The following ACVR1 variants were observed in gnomAD, a reference collection of about 807,000 sequenced individuals.
ACVR1 encodes activin A receptor type 1.
In ACVR1, 38 loss-of-function variants were observed where a neutral mutation model predicts 57.1. That is an observed-to-expected ratio of 0.67 (90% CI 0.51 to 0.87). The LOEUF (loss-of-function observed/expected upper bound fraction) is 0.87. ACVR1 is among the 40% of genes least tolerant of loss of function. ACVR1 has a pLI of 0.00. For synonymous variants in ACVR1, 212 were observed against 228.1 expected, an observed-to-expected ratio of 0.93 and a Z score of 0.63; for missense variants, 463 against 638.2, an observed-to-expected ratio of 0.73 and a Z score of 2.96.
chr2:157,875,181 A>G (rs1451305962), intron 1 of ACVR1: 2 of 152,202 alleles, frequency 1.3e-5, no homozygotes, highest in African/African-American at 2.4e-5. Flanking sequence ...AAACTTGGCA[A>G]AGTACCGTGC....
At chr2:157,856,545 A>G (rs1165197780) in intron 1 of ACVR1, among the ~76,000 whole-genome samples, 1 of 152,184 alleles carries the variant, frequency 6.6e-6, no homozygotes, top group African/African-American at 2.4e-5. Flanking sequence ...ATTCAAACTA[A>G]CAAGTATTTA....
chr2:157,850,283 G>A lies in ACVR1; in HGVS notation c.-183+25513C>T, dbSNP rs553023346. Among the ~76,000 whole-genome samples, 65 of 151,720 alleles carry A rather than the reference G, an allele frequency of 4.3e-4. 1 individual carries two copies. The highest frequency in any genetic ancestry group is 1.8e-4 in the Non-Finnish European group (12 of 67,884). On this transcript the variant is annotated intron_variant, in intron 1 of 10. Transcript: ENST00000434821. Reference sequence around the variant, plus strand: ...TGCACACCTGTAGTCCAAACTACTCGGGAGGCTGAGGCAGGAGAATCATTT... The same window carrying A: ...TGCACACCTGTAGTCCAAACTACTCAGGAGGCTGAGGCAGGAGAATCATTT...
intron 2 of ACVR1, among the ~76,000 whole-genome samples, chr2:157,803,219 T>G (rs559451939): frequency 6.6e-6 from 1 of 152,024 alleles, no homozygotes; most frequent in African/African-American, 2.4e-5. Flanking sequence ...CAGATTATCA[T>G]TGTGCGAACA....
intron 9 of ACVR1, among the ~76,000 whole-genome samples, chr2:157,743,089 A>G (rs1245960477): frequency 1.3e-5 from 2 of 152,078 alleles, no homozygotes; most frequent in African/African-American, 4.8e-5. Context: ...AGTTCCATCA[A>G]CAGGGCACCT....
intron 9 of ACVR1, among the ~76,000 whole-genome samples, chr2:157,748,200 A>G (rs1390689934): frequency 3.3e-5 from 5 of 152,152 alleles, no homozygotes; most frequent in Admixed American, 6.5e-5. Flanking sequence ...CAACACAGGG[A>G]ACGGGTTTGC....
chr2:157,756,323 T>C (rs990213680), intron 9 of ACVR1, among the ~76,000 whole-genome samples: 1 of 151,644 alleles, frequency 6.6e-6, no homozygotes, highest in Non-Finnish European at 1.5e-5. Context: ...GGGACTTAAT[T>C]AAAGAGCTTC....
rs186913374 is a variant in ACVR1, at chr2:157,760,549, A to G, written c.1264+331T>C. Among the ~76,000 whole-genome samples, 17 of 152,340 alleles carry G rather than the reference A, an allele frequency of 1.1e-4. No individual in the cohort carries two copies. The East Asian group carries it at 3.1e-3, about 28-fold the overall frequency. ...ACTACATATTACATACATTTATCAA[A>G]ATATCACATGTACCCCATAAACGCA... is the stretch of plus-strand genomic sequence containing the variant. On this transcript the variant is annotated intron_variant, in intron 9 of 10. Transcript: ENST00000434821.
At chr2:157,815,629 C>A (rs1687908920) in intron 2 of ACVR1, among the ~76,000 whole-genome samples, 1 of 152,142 alleles carries the variant, frequency 6.6e-6, no homozygotes, top group Non-Finnish European at 1.5e-5. Flanking sequence ...AAAATAAAGT[C>A]TGTCTCCTAA....
chr2:157,778,910 T>C (rs190870002), intron 4 of ACVR1, among the ~76,000 whole-genome samples: 3 of 152,298 alleles, frequency 2.0e-5, no homozygotes, highest in East Asian at 3.9e-4. Context: ...TGACATTATG[T>C]CATCAGGCCC....
At chr2:157,799,612 C>A in intron 2 of ACVR1, 112 bp from the exon 3 acceptor site, 1 of 777,652 alleles carries the variant, frequency 1.3e-6, no homozygotes, top group East Asian at 2.6e-5. Flanking sequence ...ACTAATCACC[C>A]TCAGATATAT....
intron 2 of ACVR1, chr2:157,806,784 T>TA (rs1215842704): frequency 6.6e-6 from 1 of 152,216 alleles, no homozygotes; most frequent in Non-Finnish European, 1.5e-5. Flanking sequence ...AATGACCTGT[T>TA]AAATATTTTT....
At chr2:157,764,155 T>C (rs1352471124) in intron 8 of ACVR1, among the ~76,000 whole-genome samples, 1 of 152,062 alleles carries the variant, frequency 6.6e-6, no homozygotes, top group Non-Finnish European at 1.5e-5. Flanking sequence ...GCTTATTTTT[T>C]AGTTACATGA....
At chr2:157,752,483 A>G (rs1425018728) in intron 9 of ACVR1, among the ~76,000 whole-genome samples, 2 of 152,232 alleles carry the variant, frequency 1.3e-5, no homozygotes, top group African/African-American at 4.8e-5. Flanking sequence ...TGCCAGAAAA[A>G]GAATTCAGAA....
intron 9 of ACVR1, among the ~76,000 whole-genome samples, chr2:157,757,018 TTTG>T (rs1685460093): frequency 3.1e-5 from 4 of 127,832 alleles, no homozygotes; most frequent in African/African-American, 1.4e-4. Flanking sequence ...TATATATATA[TTTG>T]ATATATATAT....
At chr2:157,780,209 G>A (rs1686451386) in intron 4 of ACVR1, 128 bp downstream of exon 4, 2 of 1,365,908 alleles carry the variant, frequency 1.5e-6, no homozygotes, top group Non-Finnish European at 2.0e-6. Flanking sequence ...GACCTTCCTT[G>A]TAGCTCTTCG....
At chr2:157,792,839 T>C (rs1559059934) in intron 3 of ACVR1, among the ~76,000 whole-genome samples, 1 of 152,212 alleles carries the variant, frequency 6.6e-6, no homozygotes, top group Non-Finnish European at 1.5e-5. Context: ...TCCAAAATGT[T>C]TCTTGCTGTG....
At chr2:157,816,229 T>C (rs1266818648) in intron 2 of ACVR1, among the ~76,000 whole-genome samples, 1 of 152,128 alleles carries the variant, frequency 6.6e-6, no homozygotes, top group Admixed American at 6.5e-5. Flanking sequence ...TAGCCAAAGG[T>C]GAAAGAGAGA....
intron 1 of ACVR1, among the ~76,000 whole-genome samples, chr2:157,830,027 T>C (rs1688526679): frequency 6.6e-6 from 1 of 152,130 alleles, no homozygotes; most frequent in Non-Finnish European, 1.5e-5. Context: ...GAGACCAGCC[T>C]GGCCAACATG....
At chr2:157,767,713 T>A (rs563261028) in intron 7 of ACVR1, among the ~76,000 whole-genome samples, 1 of 152,314 alleles carries the variant, frequency 6.6e-6, no homozygotes, top group South Asian at 2.1e-4. Flanking sequence ...AAAGACATCA[T>A]TATGCTCATT....
Sources: allele counts gnomAD v4.1 joint callset (sites outside exome capture counted in the v4.1 genomes callset), GRCh38; gene constraint gnomAD v4.1.1; transcripts MANE v1.5; gene names NCBI Gene and HGNC (gene_info 2026-07-23, HGNC 2026-07-21).